The following TYW1 variants were observed in gnomAD, a reference collection of about 807,000 sequenced individuals.
TYW1 encodes the protein tRNA-yW synthesizing protein 1 homolog.
In TYW1, 46 loss-of-function variants were observed where a neutral mutation model predicts 96.2. That is an observed-to-expected ratio of 0.48 (90% CI 0.38 to 0.61). The LOEUF (loss-of-function observed/expected upper bound fraction) is 0.61. Ranked by LOEUF, TYW1 falls within the 20% of genes least tolerant of loss-of-function variation. TYW1 has a pLI of 0.00. For missense variants in TYW1, 684 were observed against 909.6 expected, an observed-to-expected ratio of 0.75 and a Z score of 3.19; for synonymous variants, 274 against 323.0, an observed-to-expected ratio of 0.85 and a Z score of 1.63.
intron 1 of TYW1, 63 bp downstream of exon 1, chr7:66,997,045 C>G (rs143271968): frequency 9.3e-6 from 15 of 1,607,692 alleles, no homozygotes; most frequent in East Asian, 2.2e-5. Context: ...TTACTGAGAC[C>G]CTCTCCGGGC....
intron 13 of TYW1, among the ~76,000 whole-genome samples, chr7:67,159,137 A>G (rs1407435227): frequency 4.6e-5 from 7 of 152,176 alleles, no homozygotes; most frequent in Admixed American, 6.6e-5. Flanking sequence ...TTCACTTAGT[A>G]ATATATCGTG....
At chr7:67,023,087 A>T (rs1490635343) in intron 6 of TYW1, among the ~76,000 whole-genome samples, 1 of 151,922 alleles carries the variant, frequency 6.6e-6, no homozygotes, top group Non-Finnish European at 1.5e-5. Flanking sequence ...TGTTTCTTTT[A>T]ATTTAATTTT....
intron 13 of TYW1, among the ~76,000 whole-genome samples, chr7:67,141,072 G>A (rs1563036188): frequency 2.0e-5 from 3 of 152,022 alleles, no homozygotes; most frequent in Non-Finnish European, 4.4e-5. Context: ...TATTTTGTAG[G>A]TTATTTTTCT....
At chr7:67,113,314 G>A (rs960402182) in intron 12 of TYW1, among the ~76,000 whole-genome samples, 8 of 152,150 alleles carry the variant, frequency 5.3e-5, no homozygotes, top group African/African-American at 1.7e-4. Context: ...GCAGTTCATA[G>A]TAATCCCTGA....
At chr7:67,067,657 C>G (rs1795905734) in intron 10 of TYW1, among the ~76,000 whole-genome samples, 1 of 152,188 alleles carries the variant, frequency 6.6e-6, no homozygotes, top group East Asian at 1.9e-4. Flanking sequence ...TTTAGTTTGT[C>G]TTATTTATAG....
At chr7:67,193,757 C>T (rs1306045811) in intron 14 of TYW1, among the ~76,000 whole-genome samples, 2 of 118,168 alleles carry the variant, frequency 1.7e-5, no homozygotes, top group Non-Finnish European at 3.5e-5. Flanking sequence ...GAGACTCTGT[C>T]TCAAAAAAAA....
chr7:67,106,989 G>A (rs1797263956), intron 12 of TYW1, among the ~76,000 whole-genome samples: 1 of 152,148 alleles, frequency 6.6e-6, no homozygotes, highest in African/African-American at 2.4e-5. Context: ...TGCTACTTCT[G>A]TATTTCTGTT....
intron 6 of TYW1, among the ~76,000 whole-genome samples, chr7:67,018,616 A>C (rs1794108737): frequency 6.6e-6 from 1 of 151,942 alleles, no homozygotes; most frequent in African/African-American, 2.4e-5. Context: ...AGAGAGAGAG[A>C]GAGGCCTTAG....
At chr7:67,008,452 A>G (rs946098722) in intron 3 of TYW1, among the ~76,000 whole-genome samples, 1 of 152,168 alleles carries the variant, frequency 6.6e-6, no homozygotes, top group Non-Finnish European at 1.5e-5. Flanking sequence ...ACGAGCCTCC[A>G]TCCTGAAGCT....
chr7:67,183,477 A>G (rs1225083864), intron 14 of TYW1, among the ~76,000 whole-genome samples: 1 of 152,200 alleles, frequency 6.6e-6, no homozygotes, highest in Non-Finnish European at 1.5e-5. Flanking sequence ...GAGGATGGAC[A>G]GTCCACACAA....
At chr7:67,217,799 A>G (rs1157111370) in intron 15 of TYW1, among the ~76,000 whole-genome samples, 1 of 141,888 alleles carries the variant, frequency 7.0e-6, no homozygotes, top group Non-Finnish European at 1.5e-5. Context: ...TGTTATTTTG[A>G]TAGATATTGT....
chr7:67,170,625 C>G (rs1368685321), intron 13 of TYW1, among the ~76,000 whole-genome samples: 2 of 152,098 alleles, frequency 1.3e-5, no homozygotes, highest in Non-Finnish European at 2.9e-5. Context: ...TTTTATTACC[C>G]CAACATAGAA....
At chr7:67,130,025 A>T (rs1026235141) in intron 13 of TYW1, among the ~76,000 whole-genome samples, 1 of 151,980 alleles carries the variant, frequency 6.6e-6, no homozygotes, top group Non-Finnish European at 1.5e-5. Flanking sequence ...TTCCCAGAAG[A>T]TACTCTGTGT....
intron 7 of TYW1, among the ~76,000 whole-genome samples, chr7:67,042,422 A>G (rs1795057348): frequency 6.6e-6 from 1 of 152,134 alleles, no homozygotes; most frequent in Non-Finnish European, 1.5e-5. Context: ...AAACACTGGA[A>G]TGTTAGGGAG....
intron 12 of TYW1, among the ~76,000 whole-genome samples, chr7:67,102,444 T>A (rs1265763051): frequency 1.3e-5 from 2 of 152,110 alleles, no homozygotes; most frequent in East Asian, 3.9e-4. Context: ...TGGCATATGA[T>A]TCCAAAGAAA....
At chr7:67,092,601 C>CTCT (rs1796758317) in intron 11 of TYW1, among the ~76,000 whole-genome samples, 1 of 151,764 alleles carries the variant, frequency 6.6e-6, no homozygotes, top group Non-Finnish European at 1.5e-5. Flanking sequence ...GTCAGCCTGC[C>CTCT]TCTTTTTCCT....
At chr7:67,142,658 C>T (rs968826447) in intron 13 of TYW1, among the ~76,000 whole-genome samples, 2 of 152,164 alleles carry the variant, frequency 1.3e-5, no homozygotes, top group African/African-American at 4.8e-5. Flanking sequence ...TCTTGAACAA[C>T]TGGCCTCAAG....
chr7:67,093,885 T>C (rs188148966), intron 11 of TYW1, among the ~76,000 whole-genome samples: 3 of 152,332 alleles, frequency 2.0e-5, no homozygotes, highest in Admixed American at 2.0e-4. Context: ...TAGGGGTACA[T>C]GTGCATGTTA....
rs989854499 is a variant in TYW1, at chr7:67,089,586, G to C, written c.1384+6047G>C. 3 of 539,774 alleles carry C rather than the reference G, an allele frequency of 5.6e-6. No homozygotes were observed. The African/African-American group carries it at 5.9e-5, about 11-fold the overall frequency. The allele number at this position is 539,774 out of a possible 1,614,324, so 33.4% of individuals were successfully genotyped here. A position where few individuals can be genotyped will look rare whatever the true frequency, so the allele number is the denominator to read the frequency against. On this transcript the variant is annotated intron_variant, in intron 11 of 15. Transcript: ENST00000359626. Reference sequence around the variant, plus strand: ...TGTCCTGGGTCTGGTTCAGTTGTGTGAAAGGTGGAACTGGCTGTGGGGATT... The same window carrying C: ...TGTCCTGGGTCTGGTTCAGTTGTGTCAAAGGTGGAACTGGCTGTGGGGATT...
Sources: gnomAD v4.1 joint callset for allele counts (sites outside exome capture counted in the v4.1 genomes callset) on GRCh38, gnomAD v4.1.1 for gene constraint, MANE v1.5 for transcripts, NCBI Gene and HGNC (gene_info 2026-07-23, HGNC 2026-07-21) for gene names.